Variants in MEIKIN observed in about 807,000 individuals in gnomAD.
MEIKIN encodes meiotic kinetochore factor.
intron 4 of MEIKIN, among the ~76,000 whole-genome samples, chr5:131,935,141 A>G (rs1328465255): frequency 6.6e-6 from 1 of 151,744 alleles, no homozygotes; most frequent in Non-Finnish European, 1.5e-5. Context: ...TCCAGAATGT[A>G]AAGAACTGGC....
At chr5:131,914,313 G>A (rs182465391) in intron 7 of MEIKIN, among the ~76,000 whole-genome samples, 60 of 150,704 alleles carry the variant, frequency 4.0e-4, no homozygotes, top group Middle Eastern at 3.4e-3. Flanking sequence ...GAACCCAGGA[G>A]TTCGAGGTTA....
intron 11 of MEIKIN, among the ~76,000 whole-genome samples, chr5:131,820,737 C>G (rs531706243): frequency 8.2e-4 from 125 of 152,266 alleles, no homozygotes; most frequent in Non-Finnish European, 6.0e-4. Context: ...ATGGTTCAAT[C>G]TTTGTAGGTT....
intron 11 of MEIKIN, among the ~76,000 whole-genome samples, chr5:131,843,956 G>T (rs543609687): frequency 1.3e-5 from 2 of 152,284 alleles, no homozygotes; most frequent in Admixed American, 1.3e-4. Flanking sequence ...AAAGAGAAGA[G>T]GTTTAATTGA....
chr5:131,895,511 C>G (rs1019852212), intron 8 of MEIKIN, among the ~76,000 whole-genome samples: 3 of 152,164 alleles, frequency 2.0e-5, no homozygotes, highest in Admixed American at 6.5e-5. Flanking sequence ...GGGAATCAGT[C>G]TGGTCCTGGA....
rs559758408 is a variant in MEIKIN at position 131,872,658 on chromosome 5, A to T, written c.774+6320T>A. Among the ~76,000 whole-genome samples, 11 of 152,310 alleles carry T rather than the reference A, an allele frequency of 7.2e-5. No homozygotes were observed. In the East Asian group the frequency reaches 1.7e-3, roughly 24 times the overall value. ...AGGAAATACAGAGAACACCACAAAG[A>T]TACTCCTCGAGAAGAGCAACTCCAA... is the stretch of plus-strand genomic sequence containing the variant. On this transcript the variant is annotated intron_variant, in intron 9 of 12. Transcript: ENST00000442687.
rs1168290756 is a variant in MEIKIN, at chr5:131,922,478, T to TTAA, written c.479-540_479-538dup. On this transcript the variant is annotated intron_variant, in intron 5 of 12. Transcript: ENST00000442687. ...GTATTATAAGTAATCTAAAGATTAT[T>TTAA]TAAAGTATATAGGAGGATGTGCATA... 2.0e-5 allele frequency among the ~76,000 whole-genome samples: 3 copies of TTAA among 152,124 alleles called. 1 individual carries two copies. Among genetic ancestry groups the TTAA allele is most frequent in the Non-Finnish European group, 4.4e-5 (3 of 68,036 alleles).
intron 5 of MEIKIN, among the ~76,000 whole-genome samples, chr5:131,925,237 C>T (rs1374451316): frequency 2.0e-5 from 3 of 152,144 alleles, no homozygotes; most frequent in Non-Finnish European, 4.4e-5. Flanking sequence ...CTTTGTTCTT[C>T]TCAAGATTGT....
At chr5:131,840,324 G>A (rs1749882536) in intron 11 of MEIKIN, among the ~76,000 whole-genome samples, 1 of 152,098 alleles carries the variant, frequency 6.6e-6, no homozygotes, top group African/African-American at 2.4e-5. Context: ...TGGAGAATCT[G>A]ATGATTATGT....
At chr5:131,922,958 C>A (rs927904570) in intron 5 of MEIKIN, among the ~76,000 whole-genome samples, 2 of 152,146 alleles carry the variant, frequency 1.3e-5, no homozygotes, top group African/African-American at 4.8e-5. Flanking sequence ...GTGGTGTGAT[C>A]TTGGCTCACT....
chr5:131,858,307 G>A (rs890130359), intron 9 of MEIKIN, among the ~76,000 whole-genome samples: 1 of 152,118 alleles, frequency 6.6e-6, no homozygotes, highest in South Asian at 2.1e-4. Context: ...TCTGATCTTC[G>A]ACAAAGCTGA....
intron 9 of MEIKIN, among the ~76,000 whole-genome samples, chr5:131,868,948 A>G (rs1353791090): frequency 6.6e-6 from 1 of 152,164 alleles, no homozygotes; most frequent in Non-Finnish European, 1.5e-5. Flanking sequence ...TTATCTTGAC[A>G]TTGTCCTTCA....
chr5:131,863,374 A>T (rs548549064), intron 9 of MEIKIN, among the ~76,000 whole-genome samples: 19 of 152,182 alleles, frequency 1.2e-4, no homozygotes, highest in African/African-American at 4.6e-4. Flanking sequence ...TGATCTGTTG[A>T]GTGCTGAGTG....
chr5:131,901,051 C>T (rs1416731811), intron 8 of MEIKIN, among the ~76,000 whole-genome samples: 1 of 152,196 alleles, frequency 6.6e-6, no homozygotes, highest in Non-Finnish European at 1.5e-5. Context: ...GGCATGAAGA[C>T]TGCTAGCCCC....
chr5:131,870,245 A>G (rs1750462980), intron 9 of MEIKIN, among the ~76,000 whole-genome samples: 5 of 152,214 alleles, frequency 3.3e-5, no homozygotes, highest in Admixed American at 3.3e-4. Flanking sequence ...CAAAAATAAC[A>G]TAGACACACA....
At chr5:131,934,742 C>T (rs1310315934) in intron 4 of MEIKIN, among the ~76,000 whole-genome samples, 1 of 152,120 alleles carries the variant, frequency 6.6e-6, no homozygotes, top group Non-Finnish European at 1.5e-5. Context: ...TTTAAAACGT[C>T]CCTTCAAAAG....
intron 4 of MEIKIN, among the ~76,000 whole-genome samples, chr5:131,935,286 A>G (rs568685191): frequency 0.012 from 1,721 of 148,754 alleles, 6 homozygotes; most frequent in South Asian, 0.034. Context: ...AAAAAAAAAA[A>G]AAAGAAAGAA....
intron 7 of MEIKIN, among the ~76,000 whole-genome samples, chr5:131,913,409 C>T (rs1319756712): frequency 2.0e-5 from 3 of 152,212 alleles, no homozygotes; most frequent in Admixed American, 6.5e-5. Flanking sequence ...ACCTAACAGA[C>T]CCTCTTTGCC....
At chr5:131,895,221 C>A (rs1313024627) in intron 8 of MEIKIN, among the ~76,000 whole-genome samples, 5 of 152,194 alleles carry the variant, frequency 3.3e-5, no homozygotes, top group Admixed American at 6.5e-5. Context: ...ACCAGCCTTG[C>A]ATTTCAGGGA....
chr5:131,863,556 C>CT (rs1750325066), intron 9 of MEIKIN, among the ~76,000 whole-genome samples: 3 of 42,000 alleles, frequency 7.1e-5, no homozygotes, highest in African/African-American at 1.2e-4. Context: ...CCTTCTTTGT[C>CT]CTTTTTTTTT....
Sources: gnomAD v4.1 joint callset for allele counts (sites outside exome capture counted in the v4.1 genomes callset) on GRCh38, gnomAD v4.1.1 for gene constraint, MANE v1.5 for transcripts, NCBI Gene and HGNC (gene_info 2026-07-23, HGNC 2026-07-21) for gene names.